The following LHFPL4 variants were observed in gnomAD, a reference collection of about 807,000 sequenced individuals.
LHFPL4 encodes LHFPL tetraspan subfamily member 4 protein.
In LHFPL4, 6 loss-of-function variants were observed where a neutral mutation model predicts 20.0. The observed-to-expected ratio is 0.30, with a 90% CI of 0.16 to 0.59. LHFPL4 has a LOEUF of 0.59. LHFPL4 is among the 20% of genes least tolerant of loss of function. The pLI, the probability that LHFPL4 is intolerant of heterozygous loss-of-function variation, is 0.88. For missense variants in LHFPL4, 215 were observed against 331.2 expected (o/e 0.65, Z 2.72); for synonymous variants, 129 against 143.8 (o/e 0.90, Z 0.74).
At chr3:9,528,269 A>T (rs891821960) in intron 2 of LHFPL4, among the ~76,000 whole-genome samples, 2 of 152,198 alleles carry the variant, frequency 1.3e-5, no homozygotes, top group Non-Finnish European at 2.9e-5. Context: ...CTGCTTTATC[A>T]ACTAAGTTTA....
Position 9,500,167 on chromosome 3 carries a change from T to G in LHFPL4, c.*2044A>C, listed in dbSNP as rs1251859110. 6.6e-6 allele frequency: 1 copy of G among 152,614 alleles called. No individual in the cohort carries two copies. Among genetic ancestry groups the G allele is most frequent in the East Asian group, 1.9e-4 (1 of 5,214 alleles). 9.5% of individuals were successfully genotyped at this position (152,614 alleles called of 1,614,324 possible). ...CCCCAGTGTCTTCTCCCATTCCCAG[T>G]CGCTTGCTGCGCCCCTCCCCTCACT... On this transcript the variant is annotated 3_prime_UTR_variant, in exon 4 of 4. Transcript: ENST00000287585.
In LHFPL4 at chr3:9,537,972, CCTT is replaced by C. The variant is rs569375510; in HGVS notation, c.406+14299_406+14301del. Among the ~76,000 whole-genome samples the C allele has an allele frequency of 1.6e-4, 24 of 152,246 alleles. No individual in the cohort carries two copies. In the East Asian group the frequency reaches 4.6e-3, roughly 29 times the overall value. On this transcript the variant is annotated intron_variant, in intron 2 of 3. Transcript: ENST00000287585. ...TCAAAATCAGTGTTTCCCAAATAGA[CCTT>C]CTCTTCCTCCACCCTAGGTCTGATC...
At chr3:9,518,838 C>A (rs1321617885) in intron 2 of LHFPL4, among the ~76,000 whole-genome samples, 2 of 151,334 alleles carry the variant, frequency 1.3e-5, no homozygotes, top group Non-Finnish European at 2.9e-5. Context: ...ACTGCAACCT[C>A]TGCCTCTTGG....
At position 9,511,298 on chromosome 3, in the gene LHFPL4, C is replaced by T. The variant is rs983094489; in HGVS notation, c.407-5095G>A. Among the ~76,000 whole-genome samples the T allele has an allele frequency of 5.3e-5, 8 of 150,684 alleles. 1 individual carries two copies. In the South Asian group the frequency reaches 6.3e-4, roughly 12 times the overall value. ...CCCAGGAGATGGAGCTTGCAGTGAG[C>T]GGGGATCATGCCACTGCACTCCAGC... On this transcript the variant is annotated intron_variant, in intron 2 of 3. Transcript: ENST00000287585.
At chr3:9,513,154 G>T (rs2125657436) in intron 2 of LHFPL4, among the ~76,000 whole-genome samples, 2 of 152,202 alleles carry the variant, frequency 1.3e-5, no homozygotes, top group African/African-American at 4.8e-5. Context: ...TAGAGACGGG[G>T]TTTCACCGTG....
At chr3:9,531,305 G>A (rs1275574562) in intron 2 of LHFPL4, among the ~76,000 whole-genome samples, 1 of 152,116 alleles carries the variant, frequency 6.6e-6, no homozygotes, top group Non-Finnish European at 1.5e-5. Flanking sequence ...ATTGACTCAG[G>A]GTGCCACAAA....
intron 2 of LHFPL4, among the ~76,000 whole-genome samples, chr3:9,511,736 G>A (rs1383241379): frequency 6.6e-6 from 1 of 152,162 alleles, no homozygotes; most frequent in African/African-American, 2.4e-5. Context: ...AGACCTATTA[G>A]TAAGTGTGAG....
chr3:9,537,295 C>T (rs2046449809), intron 2 of LHFPL4, among the ~76,000 whole-genome samples: 1 of 152,098 alleles, frequency 6.6e-6, no homozygotes, highest in South Asian at 2.1e-4. Flanking sequence ...CTGGGACACT[C>T]TTTCTCTAAG....
chr3:9,541,736 C>CA (rs139566856), intron 2 of LHFPL4, among the ~76,000 whole-genome samples: 17,491 of 151,962 alleles, frequency 0.12, 1,293 homozygotes, highest in Middle Eastern at 0.17. Context: ...CGCACCACTG[C>CA]ACTCCAGCGT....
chr3:9,509,897 G>A (rs1422583612), intron 2 of LHFPL4, among the ~76,000 whole-genome samples: 1 of 152,236 alleles, frequency 6.6e-6, no homozygotes, highest in Non-Finnish European at 1.5e-5. Context: ...CCCATTTGCT[G>A]GATGAAGAAA....
chr3:9,541,780 A>G (rs564129733), intron 2 of LHFPL4, among the ~76,000 whole-genome samples: 3 of 152,134 alleles, frequency 2.0e-5, no homozygotes, highest in African/African-American at 7.2e-5. Context: ...TCAAAGAAAA[A>G]AAAAATGGAT....
chr3:9,533,550 A>T (rs141701978), intron 2 of LHFPL4, among the ~76,000 whole-genome samples: 198 of 152,334 alleles, frequency 1.3e-3, no homozygotes, highest in African/African-American at 4.6e-3. Context: ...TGCGAGGCCA[A>T]GGTGGGCGGA....
At chr3:9,502,698 C>T (rs2046185790) in intron 3 of LHFPL4, among the ~76,000 whole-genome samples, 1 of 147,250 alleles carries the variant, frequency 6.8e-6, no homozygotes, top group Admixed American at 6.7e-5. Flanking sequence ...TGTGAAACTC[C>T]ATCTCAAAAA....
chr3:9,543,789 G>A (rs1279566262), intron 2 of LHFPL4, among the ~76,000 whole-genome samples: 2 of 137,032 alleles, frequency 1.5e-5, no homozygotes, highest in African/African-American at 5.6e-5. Context: ...GGAGTGCAGT[G>A]GCACAATCAC....
rs567544817 is a variant in LHFPL4, at chr3:9,526,239, G to A, written c.407-20036C>T. ...CAGGGCTCGGGGGAGGGAGGAATGC[G>A]GAGTTAGTGTTTAATGGGCACAAAG... On this transcript the variant is annotated intron_variant, in intron 2 of 3. Transcript: ENST00000287585. 7.2e-5 allele frequency among the ~76,000 whole-genome samples: 11 copies of A among 152,266 alleles called. No individual in the cohort carries two copies. In the South Asian group the frequency reaches 1.5e-3, roughly 20 times the overall value.
At chr3:9,529,655 G>A (rs540622956) in intron 2 of LHFPL4, among the ~76,000 whole-genome samples, 1 of 151,638 alleles carries the variant, frequency 6.6e-6, no homozygotes, top group Non-Finnish European at 1.5e-5. Flanking sequence ...TTTTTTTTGA[G>A]ATGGAGGCTC....
At chr3:9,505,076 C>T (rs1195398807) in intron 3 of LHFPL4, among the ~76,000 whole-genome samples, 1 of 152,038 alleles carries the variant, frequency 6.6e-6, no homozygotes. Context: ...GCCTCCTGTC[C>T]ATGGCCATTG....
chr3:9,543,532 C>G (rs2125666981), intron 2 of LHFPL4, among the ~76,000 whole-genome samples: 1 of 151,770 alleles, frequency 6.6e-6, no homozygotes, highest in East Asian at 1.9e-4. Context: ...AAAGTGGGTC[C>G]TCTAGCCCAG....
At chr3:9,534,745 A>G (rs527323130) in intron 2 of LHFPL4, among the ~76,000 whole-genome samples, 20 of 152,336 alleles carry the variant, frequency 1.3e-4, no homozygotes, top group African/African-American at 4.3e-4. Flanking sequence ...TAATTAAAGC[A>G]GCAAAGAAAG....
Sources: gnomAD v4.1 joint callset for allele counts (sites outside exome capture counted in the v4.1 genomes callset) on GRCh38, gnomAD v4.1.1 for gene constraint, MANE v1.5 for transcripts, NCBI Gene and HGNC (gene_info 2026-07-23, HGNC 2026-07-21) for gene names.